The following ZNF226 variants were observed in gnomAD, a reference collection of about 807,000 sequenced individuals.
ZNF226 encodes zinc finger protein 226, also known as Kruppel-associated box protein.
ZNF226 carries 6 observed loss-of-function variants against 11.4 expected under a neutral mutation model. The observed-to-expected ratio is 0.53, with a 90% confidence interval of 0.29 to 1.04. The LOEUF is 1.04. Ranked by LOEUF, ZNF226 falls within the 50% of genes least tolerant of loss-of-function variation. The pLI, the probability that ZNF226 is intolerant of heterozygous loss-of-function variation, is 0.08. For synonymous variants in ZNF226, 350 were observed against 322.8 expected (o/e 1.08, Z -0.90); for missense variants, 1,058 against 956.5 (o/e 1.11, Z -1.40).
At chr19:44,196,448 ATGGACTAACAC>A in the ZNF226 span, among the ~76,000 whole-genome samples, 2 of 152,214 alleles carry the variant, frequency 1.3e-5, no homozygotes, top group African/African-American at 2.4e-5. Context: ...TATCAAAAGT[ATGGACTAACAC>A]TGGACCTCAG....
At chr19:44,172,734 A>G in intron 4 of ZNF226, 126 bp from the exon 5 acceptor site, 1 of 718,628 alleles carries the variant, frequency 1.4e-6, no homozygotes, top group Non-Finnish European at 2.3e-6. Context: ...TACTGAAGTC[A>G]CAATTTAAAT....
chr19:44,167,304 A>C (rs1190271249), intron 2 of ZNF226, among the ~76,000 whole-genome samples: 2 of 132,066 alleles, frequency 1.5e-5, no homozygotes, highest in Non-Finnish European at 3.2e-5. Flanking sequence ...GACTTTCCTA[A>C]TTTCTTTAAC....
chr19:44,177,853 G>T, downstream of ZNF226: 1 of 706,108 alleles, frequency 1.4e-6, no homozygotes, highest in Non-Finnish European at 2.1e-6. Context: ...ACTTAGAAGA[G>T]GGGTGTTAAG....
the ZNF226 span, among the ~76,000 whole-genome samples, chr19:44,185,776 G>A: frequency 0.14 from 21,278 of 151,946 alleles, 3,783 homozygotes; most frequent in African/African-American, 0.41. Flanking sequence ...AATCCCATTT[G>A]TCTATTTTTC....
chr19:44,196,435 A>G, the ZNF226 span, among the ~76,000 whole-genome samples: 1 of 152,196 alleles, frequency 6.6e-6, no homozygotes. Flanking sequence ...TATATGGCCA[A>G]GCTATCAAAA....
chr19:44,196,156 G>T, the ZNF226 span, among the ~76,000 whole-genome samples: 1 of 152,164 alleles, frequency 6.6e-6, no homozygotes, highest in Non-Finnish European at 1.5e-5. Flanking sequence ...AATGAGGTAT[G>T]TGAGTGGACT....
the ZNF226 span, among the ~76,000 whole-genome samples, chr19:44,194,576 G>C: frequency 3.9e-5 from 6 of 152,096 alleles, no homozygotes; most frequent in Non-Finnish European, 8.8e-5. Flanking sequence ...ACCATGCCTG[G>C]TCCTAGTGGC....
At chr19:44,184,143 T>C in the ZNF226 span, among the ~76,000 whole-genome samples, 1 of 152,220 alleles carries the variant, frequency 6.6e-6, no homozygotes, top group Non-Finnish European at 1.5e-5. Flanking sequence ...CCCGGCTCTT[T>C]ACAGAAATAA....
downstream of ZNF226, chr19:44,177,738 A>C: frequency 6.7e-7 from 1 of 1,486,080 alleles, no homozygotes; most frequent in Non-Finnish European, 8.9e-7. Flanking sequence ...TCAGTGTTTC[A>C]GCCGTAGCTC....
the ZNF226 span, among the ~76,000 whole-genome samples, chr19:44,197,556 G>A: frequency 5.7e-4 from 87 of 152,236 alleles, no homozygotes; most frequent in Middle Eastern, 3.4e-3. Context: ...AAAAATCAGT[G>A]ATTCTGGTAT....
intron 2 of ZNF226, among the ~76,000 whole-genome samples, chr19:44,166,543 G>C (rs1458564045): frequency 6.6e-6 from 1 of 152,106 alleles, no homozygotes; most frequent in Non-Finnish European, 1.5e-5. Flanking sequence ...TCAATTATTA[G>C]TTTTATTTGT....
downstream of ZNF226, among the ~76,000 whole-genome samples, chr19:44,180,850 G>T (rs1391149736): frequency 8.6e-5 from 13 of 151,990 alleles, no homozygotes; most frequent in South Asian, 2.1e-4. Context: ...GATTTTTTTT[G>T]ATTCTCATAT....
the ZNF226 span, among the ~76,000 whole-genome samples, chr19:44,197,590 G>C: frequency 6.6e-6 from 1 of 152,050 alleles, no homozygotes; most frequent in Non-Finnish European, 1.5e-5. Context: ...TCTCATTGAG[G>C]GTTTAATTTA....
At chr19:44,199,228 G>A in the ZNF226 span, among the ~76,000 whole-genome samples, 1 of 152,256 alleles carries the variant, frequency 6.6e-6, no homozygotes, top group Admixed American at 6.5e-5. Flanking sequence ...AGGCTGAAGT[G>A]CAGTGGCACA....
At chr19:44,181,091 C>A (rs569826785), downstream of ZNF226, among the ~76,000 whole-genome samples, 353 of 152,260 alleles carry the variant, frequency 2.3e-3, no homozygotes, top group African/African-American at 7.7e-3. Flanking sequence ...TATCAAGTTT[C>A]AACTCAGCCA....
the ZNF226 span, among the ~76,000 whole-genome samples, chr19:44,193,654 T>G: frequency 0.012 from 1,795 of 152,296 alleles, 30 homozygotes; most frequent in African/African-American, 0.041. Flanking sequence ...ATCCTTGAAC[T>G]TATTAACAAA....
chr19:44,176,948 G>A lies in ZNF226; in HGVS notation c.1686G>A (p.Glu562=), dbSNP rs751439312. ...AHSIEKPFKC[E]ECGQGFNQSS... is the part of the protein sequence containing the mutation. ...GTATAGAGAAACCTTTTAAGTGTGA[G>A]GAGTGTGGGCAGGGTTTCAATCAGA... Residue 562 remains glutamate, a synonymous_variant, in exon 6 of 6, where the codon GAG becomes GAA. Transcript: ENST00000337433. 1 of 1,613,906 alleles carries A rather than the reference G, an allele frequency of 6.2e-7. No homozygotes were observed. The highest frequency in any genetic ancestry group is 8.5e-7 in the Non-Finnish European group (1 of 1,179,866).
intron 4 of ZNF226, 84 bp downstream of exon 4, chr19:44,172,298 G>A: frequency 1.3e-6 from 2 of 1,507,378 alleles, no homozygotes; most frequent in Non-Finnish European, 1.8e-6. Context: ...CCTGAGTGTG[G>A]GAATCTGACT....
the ZNF226 span, among the ~76,000 whole-genome samples, chr19:44,196,059 A>G: frequency 6.6e-6 from 1 of 152,150 alleles, no homozygotes; most frequent in Non-Finnish European, 1.5e-5. Context: ...CCCAGAAGGA[A>G]TGATGCCAGG....
Sources: allele counts gnomAD v4.1 joint callset (sites outside exome capture counted in the v4.1 genomes callset), GRCh38; gene constraint gnomAD v4.1.1; transcripts MANE v1.5; gene names NCBI Gene and HGNC (gene_info 2026-07-23, HGNC 2026-07-21).